The following SOX5 variants were observed in gnomAD, a reference collection of about 807,000 sequenced individuals.
The protein encoded by SOX5 is SRY-box transcription factor 5, also known as transcription factor SOX-5.
Under a neutral mutation model 92.0 loss-of-function variants are expected in SOX5, and 9 were observed. That is an observed-to-expected ratio of 0.10 (90% CI 0.06 to 0.17). The LOEUF (loss-of-function observed/expected upper bound fraction) is 0.17. Ranked by LOEUF, SOX5 falls within the 10% of genes least tolerant of loss-of-function variation. SOX5 has a pLI of 1.00. For synonymous variants in SOX5, 344 were observed against 336.3 expected (o/e 1.02, Z -0.25); for missense variants, 642 against 944.5 (o/e 0.68, Z 4.20).
intron 1 of SOX5, among the ~76,000 whole-genome samples, chr12:23,925,696 T>C (rs527594027): frequency 6.0e-4 from 91 of 152,094 alleles, no homozygotes; most frequent in Non-Finnish European, 1.1e-3. Flanking sequence ...AAAGGAAATA[T>C]GTTCAAGATA....
intron 1 of SOX5, among the ~76,000 whole-genome samples, chr12:24,510,544 T>C (rs577410308): frequency 5.9e-5 from 9 of 152,216 alleles, no homozygotes; most frequent in South Asian, 4.2e-4. Flanking sequence ...AAAGACCAGG[T>C]AGATAAGTAG....
chr12:24,093,325 T>A (rs1944893707), intron 4 of SOX5, among the ~76,000 whole-genome samples: 1 of 151,744 alleles, frequency 6.6e-6, no homozygotes, highest in South Asian at 2.1e-4. Context: ...ATCGAGACCA[T>A]CCTGGCTAAC....
intron 2 of SOX5, among the ~76,000 whole-genome samples, chr12:24,322,780 C>G (rs1452535041): frequency 6.6e-6 from 1 of 152,050 alleles, no homozygotes; most frequent in East Asian, 1.9e-4. Flanking sequence ...GAAATCAAAC[C>G]CATACTCACA....
intron 6 of SOX5, among the ~76,000 whole-genome samples, chr12:23,713,350 C>T (rs1438100156): frequency 1.1e-4 from 16 of 152,186 alleles, no homozygotes; most frequent in Admixed American, 1.0e-3. Flanking sequence ...ATAAATTTCA[C>T]TTGTTGTAAG....
intron 1 of SOX5, among the ~76,000 whole-genome samples, chr12:24,406,093 T>C (rs1350196438): frequency 6.6e-6 from 1 of 152,054 alleles, no homozygotes; most frequent in Non-Finnish European, 1.5e-5. Context: ...AGCTCTGCAA[T>C]CTGAGAAGTG....
chr12:24,441,670 T>C (rs74847912), intron 1 of SOX5, among the ~76,000 whole-genome samples: 1,829 of 152,188 alleles, frequency 0.012, 27 homozygotes, highest in East Asian at 0.051. Context: ...TTGTGGGTAG[T>C]GATATAAAAA....
intron 4 of SOX5, among the ~76,000 whole-genome samples, chr12:24,106,048 T>A (rs913891246): frequency 6.6e-6 from 1 of 152,006 alleles, no homozygotes; most frequent in African/African-American, 2.4e-5. Context: ...AAACAGAAAC[T>A]ATAAAAGAAA....
At chr12:24,148,845 A>G (rs2138793459) in intron 4 of SOX5, among the ~76,000 whole-genome samples, 1 of 150,574 alleles carries the variant, frequency 6.6e-6, no homozygotes, top group Non-Finnish European at 1.5e-5. Context: ...AGCTATGATC[A>G]CACCATTGCA....
At chr12:23,957,131 G>A (rs889907127) in intron 4 of SOX5, among the ~76,000 whole-genome samples, 1 of 152,042 alleles carries the variant, frequency 6.6e-6, no homozygotes, top group Non-Finnish European at 1.5e-5. Flanking sequence ...ACTATTACTT[G>A]TAGTTGACAG....
At chr12:23,595,361 G>A (rs999096267) in intron 9 of SOX5, among the ~76,000 whole-genome samples, 2 of 151,992 alleles carry the variant, frequency 1.3e-5, no homozygotes, top group Admixed American at 6.5e-5. Context: ...GGTGGCTCAC[G>A]CCTGTAATCC....
chr12:24,233,994 T>A (rs553617215), intron 3 of SOX5, among the ~76,000 whole-genome samples: 1 of 152,302 alleles, frequency 6.6e-6, no homozygotes, highest in South Asian at 2.1e-4. Context: ...GAAACTTTGT[T>A]TCATGCTCTT....
intron 7 of SOX5, among the ~76,000 whole-genome samples, chr12:23,658,788 G>T (rs973287052): frequency 8.5e-5 from 13 of 152,178 alleles, no homozygotes; most frequent in African/African-American, 2.9e-4. Context: ...AGCTACTCAG[G>T]AGGCTGGGGC....
intron 2 of SOX5, among the ~76,000 whole-genome samples, chr12:23,869,710 T>G (rs1481803591): frequency 6.6e-6 from 1 of 152,122 alleles, no homozygotes; most frequent in Non-Finnish European, 1.5e-5. Context: ...TACTAAGACT[T>G]CCCGATGAAA....
chr12:24,417,362 C>T (rs937506192), intron 1 of SOX5, among the ~76,000 whole-genome samples: 5 of 152,176 alleles, frequency 3.3e-5, no homozygotes, highest in African/African-American at 4.8e-5. Flanking sequence ...ATGCTTATAA[C>T]GTTATTTGTT....
chr12:23,878,416 T>C (rs2096952454), intron 2 of SOX5, among the ~76,000 whole-genome samples: 1 of 152,112 alleles, frequency 6.6e-6, no homozygotes, highest in African/African-American at 2.4e-5. Context: ...CTTTATGTAG[T>C]TTATTTAGTG....
intron 2 of SOX5, among the ~76,000 whole-genome samples, chr12:24,324,626 T>C (rs541948114): frequency 1.0e-3 from 153 of 152,242 alleles, no homozygotes; most frequent in African/African-American, 3.4e-3. Flanking sequence ...GCATAGTAGT[T>C]AAAAGCCCAA....
At position 23,566,143 on chromosome 12, in the gene SOX5, T is replaced by C. The variant is rs1947039849; in HGVS notation, c.1343-2740A>G. On this transcript the variant is annotated intron_variant, in intron 10 of 14. Coordinates refer to ENST00000451604, the MANE Select transcript of SOX5 (RefSeq NM_006940.6). The stretch of plus-strand genomic sequence containing the variant: ...ATAATTCTATTTCTCATTTATATCA[T>C]CTATCTAATTGTCTCCACCATCTCT... Among the ~76,000 whole-genome samples, 3 of 152,242 alleles carry C rather than the reference T, an allele frequency of 2.0e-5. No individual in the cohort carries two copies. The South Asian group carries it at 6.2e-4, about 32-fold the overall frequency.
At chr12:24,495,972 G>T (rs1209652106) in intron 1 of SOX5, among the ~76,000 whole-genome samples, 2 of 152,172 alleles carry the variant, frequency 1.3e-5, no homozygotes, top group African/African-American at 4.8e-5. Context: ...GAATAAATAA[G>T]AAGTGATTCC....
intron 3 of SOX5, among the ~76,000 whole-genome samples, chr12:24,221,376 C>A (rs1865378397): frequency 6.6e-6 from 1 of 152,146 alleles, no homozygotes; most frequent in Admixed American, 6.5e-5. Flanking sequence ...CATTGGTTTA[C>A]CTCCAGCACT....
Sources: gnomAD v4.1 joint callset for allele counts (sites outside exome capture counted in the v4.1 genomes callset) on GRCh38, gnomAD v4.1.1 for gene constraint, MANE v1.5 for transcripts, NCBI Gene and HGNC (gene_info 2026-07-23, HGNC 2026-07-21) for gene names.